Variants in VTI1A observed in about 807,000 individuals in gnomAD.
VTI1A encodes vesicle transport through interaction with t-SNAREs 1A, also known as vesicle transport through interaction with t-SNAREs homolog 1A.
In VTI1A, 22 loss-of-function variants were observed where a neutral mutation model predicts 34.9. The ratio of observed to expected loss-of-function variants is 0.63; its 90% CI spans 0.45 to 0.90. The LOEUF (loss-of-function observed/expected upper bound fraction) is 0.90, where lower values mean the gene tolerates loss of function less well. VTI1A is among the 40% of genes least tolerant of loss of function. The pLI is 0.00. For missense variants in VTI1A, 268 were observed against 275.6 expected (o/e 0.97, Z 0.20); for synonymous variants, 87 against 97.3 (o/e 0.89, Z 0.62).
intron 5 of VTI1A, among the ~76,000 whole-genome samples, chr10:112,550,175 A>C (rs967710904): frequency 6.6e-6 from 1 of 152,168 alleles, no homozygotes; most frequent in African/African-American, 2.4e-5. Flanking sequence ...ACTCTCTTGC[A>C]TCTCTGTGAG....
At chr10:112,614,257 C>G (rs1845432525) in intron 5 of VTI1A, among the ~76,000 whole-genome samples, 1 of 152,156 alleles carries the variant, frequency 6.6e-6, no homozygotes, top group Non-Finnish European at 1.5e-5. Context: ...GAGCATCAGG[C>G]ATCTGGCATT....
At chr10:112,793,801 G>C (rs1852576116) in intron 7 of VTI1A, among the ~76,000 whole-genome samples, 1 of 152,198 alleles carries the variant, frequency 6.6e-6, no homozygotes, top group East Asian at 1.9e-4. Flanking sequence ...CAAACCATCA[G>C]ATTGTTCTAG....
intron 7 of VTI1A, among the ~76,000 whole-genome samples, chr10:112,766,260 A>G (rs1359599172): frequency 6.6e-6 from 1 of 152,244 alleles, no homozygotes; most frequent in Non-Finnish European, 1.5e-5. Flanking sequence ...ACTACAAGCA[A>G]TGCAACAAGT....
chr10:112,638,607 T>C (rs1052185349), intron 5 of VTI1A, among the ~76,000 whole-genome samples: 1 of 152,174 alleles, frequency 6.6e-6, no homozygotes, highest in African/African-American at 2.4e-5. Flanking sequence ...TAAAATTCCA[T>C]GAGACACTTT....
intron 4 of VTI1A, among the ~76,000 whole-genome samples, chr10:112,531,556 G>C (rs1037048548): frequency 6.6e-6 from 1 of 151,758 alleles, no homozygotes; most frequent in Non-Finnish European, 1.5e-5. Flanking sequence ...ATCCGATGTA[G>C]AGCTTGAATG....
the VTI1A span, among the ~76,000 whole-genome samples, chr10:112,828,097 A>G: frequency 6.6e-6 from 1 of 152,136 alleles, no homozygotes; most frequent in Non-Finnish European, 1.5e-5. Context: ...TGAAGATTCA[A>G]TTAGGTCGCC....
chr10:112,691,991 TA>T (rs1350801618), intron 7 of VTI1A, among the ~76,000 whole-genome samples: 4 of 152,234 alleles, frequency 2.6e-5, no homozygotes, highest in Non-Finnish European at 5.9e-5. Context: ...TCTAATGTCT[TA>T]ATAATTATTA....
intron 7 of VTI1A, among the ~76,000 whole-genome samples, chr10:112,670,591 T>C (rs1231782584): frequency 6.6e-6 from 1 of 152,196 alleles, no homozygotes; most frequent in East Asian, 1.9e-4. Flanking sequence ...TAAAGCATCT[T>C]CTCATATTGT....
intron 5 of VTI1A, among the ~76,000 whole-genome samples, chr10:112,639,215 A>T (rs1846473311): frequency 6.6e-6 from 1 of 152,208 alleles, no homozygotes; most frequent in Admixed American, 6.5e-5. Flanking sequence ...AAACATTTCA[A>T]TTAAAGCTTT....
chr10:112,824,090 T>C, the VTI1A span: 2 of 152,260 alleles, frequency 1.3e-5, no homozygotes, highest in Non-Finnish European at 2.9e-5. Flanking sequence ...GTTGGAACTT[T>C]TGTTTCAAAT....
the VTI1A span, among the ~76,000 whole-genome samples, chr10:112,847,357 A>T: frequency 6.6e-6 from 1 of 152,176 alleles, no homozygotes; most frequent in African/African-American, 2.4e-5. Flanking sequence ...CACTTCAAGC[A>T]GACCGAATTT....
At chr10:112,757,351 ATTTTTTTTTTTTTTTTT>A (rs1175362768) in intron 7 of VTI1A, among the ~76,000 whole-genome samples, 7 of 40,674 alleles carry the variant, frequency 1.7e-4, no homozygotes, top group Non-Finnish European at 1.7e-4. Context: ...TGTTGCTGTG[ATTTTTTTTTTTTTTTTT>A]TTTTTTTTTT....
chr10:112,499,880 GGTCACTCTCTTGACAT>G, intron 3 of VTI1A, among the ~76,000 whole-genome samples: 1 of 152,208 alleles, frequency 6.6e-6, no homozygotes, highest in East Asian at 1.9e-4. Context: ...AGGGCCACAT[GGTCACTCTCTTGACAT>G]GTCACTCTCT....
chr10:112,812,034 T>A (rs1853335771), intron 7 of VTI1A, among the ~76,000 whole-genome samples: 1 of 152,238 alleles, frequency 6.6e-6, no homozygotes, highest in South Asian at 2.1e-4. Context: ...AACAGCACTG[T>A]GATTCATAAT....
chr10:112,518,627 G>A (rs1471641140), intron 3 of VTI1A, among the ~76,000 whole-genome samples: 7 of 133,652 alleles, frequency 5.2e-5, no homozygotes, highest in African/African-American at 8.1e-5. Context: ...GTGTGTGTAT[G>A]TGTATATATA....
At chr10:112,833,945 C>T in the VTI1A span, among the ~76,000 whole-genome samples, 11 of 152,330 alleles carry the variant, frequency 7.2e-5, no homozygotes, top group East Asian at 2.1e-3. Context: ...GGACCGTGAG[C>T]CAATGAGAGA....
At chr10:112,523,184 A>G (rs1850091474) in intron 3 of VTI1A, among the ~76,000 whole-genome samples, 2 of 152,126 alleles carry the variant, frequency 1.3e-5, no homozygotes, top group South Asian at 2.1e-4. Flanking sequence ...GCTTGGGTCA[A>G]GTAGAAAGAT....
intron 5 of VTI1A, among the ~76,000 whole-genome samples, chr10:112,592,355 A>G (rs1844427121): frequency 6.6e-6 from 1 of 152,172 alleles, no homozygotes; most frequent in South Asian, 2.1e-4. Context: ...AAATGAAGAC[A>G]TGGATCCAAA....
chr10:112,740,945 T>A (rs1240961827), intron 7 of VTI1A, among the ~76,000 whole-genome samples: 1 of 152,086 alleles, frequency 6.6e-6, no homozygotes, highest in African/African-American at 2.4e-5. Context: ...AACTGATGAG[T>A]GTATAAATAA....
Sources: gnomAD v4.1 joint callset for allele counts (sites outside exome capture counted in the v4.1 genomes callset) on GRCh38, gnomAD v4.1.1 for gene constraint, MANE v1.5 for transcripts, NCBI Gene and HGNC (gene_info 2026-07-23, HGNC 2026-07-21) for gene names.